The following ULK4 variants were observed in gnomAD, a reference collection of about 807,000 sequenced individuals.
The protein encoded by ULK4 is inactive serine/threonine-protein kinase ULK4.
A neutral mutation model predicts 160.6 loss-of-function variants in ULK4; 133 were observed. The ratio of observed to expected loss-of-function variants is 0.83; its 90% CI spans 0.72 to 0.96. ULK4 has a LOEUF of 0.96. Ranked by LOEUF, ULK4 falls within the 40% of genes least tolerant of loss-of-function variation. ULK4 has a pLI of 0.00. For missense variants in ULK4, 1,580 were observed against 1,499.5 expected (o/e 1.05, Z -0.89); for synonymous variants, 534 against 539.8 (o/e 0.99, Z 0.15).
At chr3:41,582,925 C>G (rs1048127651) in intron 31 of ULK4, among the ~76,000 whole-genome samples, 11 of 152,208 alleles carry the variant, frequency 7.2e-5, no homozygotes, top group African/African-American at 2.4e-4. Context: ...TAGAAACATT[C>G]ATCAATAAGT....
At chr3:41,476,509 G>A (rs2084148000) in intron 32 of ULK4, among the ~76,000 whole-genome samples, 1 of 152,212 alleles carries the variant, frequency 6.6e-6, no homozygotes, top group Non-Finnish European at 1.5e-5. Flanking sequence ...TGTCAGTGGA[G>A]ATGGGTGTGT....
chr3:41,892,288 C>T (rs988157911), intron 16 of ULK4, among the ~76,000 whole-genome samples: 1 of 152,114 alleles, frequency 6.6e-6, no homozygotes, highest in African/African-American at 2.4e-5. Context: ...AACAATCACA[C>T]GAAAAGATGT....
chr3:41,704,693 C>A (rs1403473752), intron 27 of ULK4, among the ~76,000 whole-genome samples: 2 of 152,034 alleles, frequency 1.3e-5, no homozygotes, highest in African/African-American at 4.8e-5. Context: ...GCTAAACATC[C>A]CAGAATGCAC....
Position 41,566,073 on chromosome 3 carries a change from T to C in ULK4, c.3178A>G (p.Asn1060Asp). ...TTCGAATCTTTGCAGGCAACTAGAT[T>C]GCTGAGTAATGCAATCACACTTTGC... ...TMQSVIALLSNLVACKDSNME... is the reference protein window; with the variant it reads ...TMQSVIALLSDLVACKDSNME... Residue 1060 changes from asparagine to aspartate, a missense_variant, in exon 32 of 37, where the codon AAT (asparagine) becomes GAT (aspartate). Transcript: ENST00000301831. The C allele has an allele frequency of 4.3e-6, 7 of 1,613,740 alleles. No homozygotes were observed. Among genetic ancestry groups the C allele is most frequent in the Middle Eastern group, 3.3e-4 (2 of 6,062 alleles).
intron 30 of ULK4, among the ~76,000 whole-genome samples, chr3:41,631,334 A>G (rs1266167137): frequency 6.6e-6 from 1 of 152,220 alleles, no homozygotes; most frequent in Admixed American, 6.5e-5. Context: ...CAGGCATTAC[A>G]CTTTTTCCCT....
chr3:41,554,878 C>A (rs939145690), intron 32 of ULK4, among the ~76,000 whole-genome samples: 1 of 151,612 alleles, frequency 6.6e-6, no homozygotes, highest in Non-Finnish European at 1.5e-5. Flanking sequence ...AACAAAAAAC[C>A]CTTTTCACCA....
In ULK4 at chr3:41,911,198, T is replaced by A. The variant is rs1698772745; in HGVS notation, c.1085+119A>T. ...TGAAATTGGAGAGTGAAACTGGCAT[T>A]TGGCACTAAAATTCCTGTTCTTTAT... On this transcript the variant is annotated intron_variant, in intron 11 of 36. Coordinates refer to ENST00000301831, the MANE Select transcript of ULK4 (RefSeq NM_017886.4). 10 of 926,048 alleles carry A rather than the reference T, an allele frequency of 1.1e-5. No homozygotes were observed. The South Asian group carries it at 1.7e-4, about 16-fold the overall frequency. 57.4% of individuals were successfully genotyped at this position (926,048 alleles called of 1,614,324 possible). A position where few individuals can be genotyped will look rare whatever the true frequency, so the allele number is the denominator to read the frequency against.
At chr3:41,494,586 T>C (rs2084917246) in intron 32 of ULK4, among the ~76,000 whole-genome samples, 1 of 151,884 alleles carries the variant, frequency 6.6e-6, no homozygotes, top group African/African-American at 2.4e-5. Context: ...CCAGGACAAT[T>C]AGGCAGGAGA....
intron 21 of ULK4, among the ~76,000 whole-genome samples, chr3:41,760,814 G>A (rs2038959118): frequency 6.6e-6 from 1 of 152,114 alleles, no homozygotes; most frequent in African/African-American, 2.4e-5. Flanking sequence ...TTGGATAAGG[G>A]ATATTTAATC....
chr3:41,332,348 A>C (rs922880438), intron 35 of ULK4, among the ~76,000 whole-genome samples: 5 of 152,242 alleles, frequency 3.3e-5, no homozygotes, highest in Non-Finnish European at 7.3e-5. Context: ...TGATTTTAGG[A>C]AAGTTCTGGA....
At chr3:41,257,298 G>C (rs1434663894) in intron 35 of ULK4, among the ~76,000 whole-genome samples, 2 of 152,092 alleles carry the variant, frequency 1.3e-5, no homozygotes, top group African/African-American at 4.8e-5. Context: ...ATGCAAGATG[G>C]AACAGTGCTT....
intron 35 of ULK4, among the ~76,000 whole-genome samples, chr3:41,347,950 G>A (rs1462693557): frequency 6.6e-6 from 1 of 152,066 alleles, no homozygotes; most frequent in African/African-American, 2.4e-5. Flanking sequence ...GCTCATGCCT[G>A]TAACCCCAGC....
intron 32 of ULK4, among the ~76,000 whole-genome samples, chr3:41,556,680 G>C (rs1324168710): frequency 6.6e-6 from 1 of 151,736 alleles, no homozygotes; most frequent in Admixed American, 6.6e-5. Context: ...GTAGAGGCAG[G>C]GTTTCACTGT....
chr3:41,883,733 G>C (rs968234808), intron 17 of ULK4, 141 bp downstream of exon 17: 1 of 768,190 alleles, frequency 1.3e-6, no homozygotes, highest in African/African-American at 1.8e-5. Flanking sequence ...AAGGTCTGTT[G>C]AGGTAACAGT....
Position 41,506,767 on chromosome 3 carries a change from A to AAAAAAAAAAAAAAAAAAAAATAT in ULK4, c.3227-43515_3227-43514insATATTTTTTTTTTTTTTTTTTTT. Among the ~76,000 whole-genome samples the AAAAAAAAAAAAAAAAAAAAATAT allele has an allele frequency of 1.1e-3, 63 of 56,786 alleles. 5 individuals are homozygous for AAAAAAAAAAAAAAAAAAAAATAT. Among genetic ancestry groups the AAAAAAAAAAAAAAAAAAAAATAT allele is most frequent in the Non-Finnish European group, 1.5e-3 (47 of 31,976 alleles). 37.3% of individuals were successfully genotyped at this position (56,786 alleles called of 152,430 possible). A position where few individuals can be genotyped will look rare whatever the true frequency, so the allele number is the denominator to read the frequency against. ...AGCAATACACTGGAGTGTGATTTAA[A>AAAAAAAAAAAAAAAAAAAAATAT]ATATATATATATATATATATATATA... On this transcript the variant is annotated intron_variant, in intron 32 of 36. Transcript: ENST00000301831.
chr3:41,352,925 G>A (rs1323973448), intron 35 of ULK4, among the ~76,000 whole-genome samples: 3 of 152,164 alleles, frequency 2.0e-5, no homozygotes, highest in South Asian at 4.1e-4. Flanking sequence ...AAGCAAAAGA[G>A]AGCAGTACCA....
At chr3:41,593,943 G>A (rs751592034) in intron 31 of ULK4, among the ~76,000 whole-genome samples, 1 of 152,062 alleles carries the variant, frequency 6.6e-6, no homozygotes, top group East Asian at 1.9e-4. Context: ...GGGAAGGGGG[G>A]CTGAGGTGGG....
chr3:41,797,141 T>A (rs1360282177), intron 20 of ULK4, among the ~76,000 whole-genome samples: 1 of 151,648 alleles, frequency 6.6e-6, no homozygotes. Flanking sequence ...AATTCCAACT[T>A]ATATATACAA....
At chr3:41,940,707 A>T (rs1454026579) in intron 2 of ULK4, among the ~76,000 whole-genome samples, 1 of 152,186 alleles carries the variant, frequency 6.6e-6, no homozygotes, top group Non-Finnish European at 1.5e-5. Context: ...TTCAATAAAT[A>T]TAAAAAATAA....
Sources: allele counts gnomAD v4.1 joint callset (sites outside exome capture counted in the v4.1 genomes callset), GRCh38; gene constraint gnomAD v4.1.1; transcripts MANE v1.5; gene names NCBI Gene and HGNC (gene_info 2026-07-23, HGNC 2026-07-21).